Variants in IMPG2 observed in about 807,000 individuals in gnomAD.
IMPG2 encodes the protein interphotoreceptor matrix proteoglycan 2.
A neutral mutation model predicts 129.2 loss-of-function variants in IMPG2; 91 were observed. That is an observed-to-expected ratio of 0.70 (90% CI 0.59 to 0.84). IMPG2 has a LOEUF of 0.84. IMPG2 is among the 40% of genes least tolerant of loss of function. The pLI is 0.00. For synonymous variants in IMPG2, 510 were observed against 517.7 expected (o/e 0.99, Z 0.20); for missense variants, 1,430 against 1,461.7 (o/e 0.98, Z 0.35).
In IMPG2 at chr3:101,224,457, C is replaced by T. The variant is rs139392839; in HGVS notation, c.*2512G>A. ...TATTATATTGCTAGGTTAAGAAGAA[C>T]GTTCTAATACTCAGAAAATTTCATT... On this transcript the variant is annotated 3_prime_UTR_variant, in exon 19 of 19. Coordinates refer to ENST00000193391, the MANE Select transcript of IMPG2 (RefSeq NM_016247.4). The T allele has an allele frequency of 1.7e-3, 254 of 152,274 alleles. No homozygotes were observed. Among genetic ancestry groups the T allele is most frequent in the African/African-American group, 5.7e-3 (238 of 41,546 alleles). 9.4% of individuals were successfully genotyped at this position (152,274 alleles called of 1,614,324 possible). A position where few individuals can be genotyped will look rare whatever the true frequency, so the allele number is the denominator to read the frequency against.
intron 11 of IMPG2, among the ~76,000 whole-genome samples, chr3:101,251,432 T>C (rs1042176411): frequency 1.3e-5 from 2 of 152,206 alleles, no homozygotes; most frequent in Non-Finnish European, 2.9e-5. Flanking sequence ...AGCTTTCCTA[T>C]ACATTTTGAA....
At chr3:101,293,869 C>T (rs1707048404) in intron 3 of IMPG2, among the ~76,000 whole-genome samples, 1 of 152,206 alleles carries the variant, frequency 6.6e-6, no homozygotes, top group Admixed American at 6.5e-5. Context: ...AACTATTCTT[C>T]TGAAGCTTCC....
intron 10 of IMPG2, among the ~76,000 whole-genome samples, chr3:101,256,148 A>AGAAG (rs1706599970): frequency 1.8e-5 from 1 of 56,138 alleles, no homozygotes; most frequent in African/African-American, 6.8e-5. Flanking sequence ...AAGAAAGAAA[A>AGAAG]GAAAGAAAGA....
At chr3:101,259,314 A>G (rs1351583217) in intron 9 of IMPG2, among the ~76,000 whole-genome samples, 1 of 152,182 alleles carries the variant, frequency 6.6e-6, no homozygotes, top group Non-Finnish European at 1.5e-5. Context: ...GTAATTCACC[A>G]CTTTCAGACA....
At chr3:101,267,699 G>A (rs949841759) in intron 8 of IMPG2, among the ~76,000 whole-genome samples, 168 bp from the exon 9 acceptor site, 2 of 152,030 alleles carry the variant, frequency 1.3e-5, no homozygotes, top group South Asian at 4.1e-4. Context: ...GAGCAAAGGT[G>A]AAAAAAGCAT....
In IMPG2 at chr3:101,226,589, G is replaced by T. The variant is rs488679; in HGVS notation, c.*380C>A. 155,231 of 190,078 alleles carry T rather than the reference G, an allele frequency of 0.82. 63,644 individuals are homozygous for T. The highest frequency in any genetic ancestry group is 0.9 in the African/African-American group (38,332 of 42,754). 11.8% of individuals were successfully genotyped at this position (190,078 alleles called of 1,614,324 possible). On this transcript the variant is annotated 3_prime_UTR_variant, in exon 19 of 19. Transcript: ENST00000193391. ...CCTTACTAAGCCAGACTTCTCCATGGAAGAGTCTCACCTTATTTTCCTATT... is the reference window on the plus strand; with the variant it reads ...CCTTACTAAGCCAGACTTCTCCATGTAAGAGTCTCACCTTATTTTCCTATT...
chr3:101,303,479 A>C (rs1707158746), intron 3 of IMPG2, among the ~76,000 whole-genome samples: 1 of 152,222 alleles, frequency 6.6e-6, no homozygotes, highest in Non-Finnish European at 1.5e-5. Flanking sequence ...AGAGGAACTG[A>C]ATAGATGGAC....
chr3:101,226,905 C>T lies in IMPG2; in HGVS notation c.*64G>A. On this transcript the variant is annotated 3_prime_UTR_variant, in exon 19 of 19. Transcript: ENST00000193391. ...TTTAAAATCCAGGTTAATTATATGA[C>T]ATAAGTAACAAGTAATCTCCATCTT... is the stretch of plus-strand genomic sequence containing the variant. 2 of 1,516,620 alleles carry T rather than the reference C, an allele frequency of 1.3e-6. No homozygotes were observed. Among genetic ancestry groups the T allele is most frequent in the East Asian group, 2.3e-5 (1 of 44,290 alleles). 93.9% of individuals were successfully genotyped at this position (1,516,620 alleles called of 1,614,324 possible). A position where few individuals can be genotyped will look rare whatever the true frequency, so the allele number is the denominator to read the frequency against.
intron 2 of IMPG2, among the ~76,000 whole-genome samples, chr3:101,316,472 GATATATA>G (rs2058786296): frequency 6.6e-6 from 1 of 151,868 alleles, no homozygotes; most frequent in Non-Finnish European, 1.5e-5. Flanking sequence ...ACTAAAAAAA[GATATATA>G]AATGACAGAT....
chr3:101,237,750 C>T (rs1367689928), intron 14 of IMPG2, among the ~76,000 whole-genome samples: 1 of 151,904 alleles, frequency 6.6e-6, no homozygotes, highest in African/African-American at 2.4e-5. Flanking sequence ...TAAATAAATC[C>T]CTGAAGATGA....
At chr3:101,313,858 G>C (rs1322792112) in intron 2 of IMPG2, among the ~76,000 whole-genome samples, 1 of 152,056 alleles carries the variant, frequency 6.6e-6, no homozygotes, top group African/African-American at 2.4e-5. Context: ...ACCCAAAAAA[G>C]CTACTAGAAC....
At chr3:101,268,196 A>G (rs1706742299) in intron 8 of IMPG2, among the ~76,000 whole-genome samples, 1 of 152,230 alleles carries the variant, frequency 6.6e-6, no homozygotes, top group African/African-American at 2.4e-5. Flanking sequence ...TCTTTTTTAT[A>G]CAAACAAAAA....
At chr3:101,272,224 G>A (rs1376517231) in intron 7 of IMPG2, among the ~76,000 whole-genome samples, 3 of 152,098 alleles carry the variant, frequency 2.0e-5, no homozygotes, top group Non-Finnish European at 4.4e-5. Context: ...ACCCAGAGAA[G>A]CTGAGGGAAA....
chr3:101,266,338 T>C (rs961659716), intron 9 of IMPG2, among the ~76,000 whole-genome samples: 1 of 152,108 alleles, frequency 6.6e-6, no homozygotes, highest in African/African-American at 2.4e-5. Context: ...ATTAAGAAAA[T>C]GTGGTATACA....
chr3:101,299,567 T>C (rs1707118242), intron 3 of IMPG2, among the ~76,000 whole-genome samples: 1 of 151,930 alleles, frequency 6.6e-6, no homozygotes, highest in Non-Finnish European at 1.5e-5. Context: ...GACCCTTGGA[T>C]TGAGTTTTTG....
chr3:101,291,436 T>A lies in IMPG2; in HGVS notation c.533+43A>T, dbSNP rs188428395. The A allele has an allele frequency of 5.1e-6, 8 of 1,555,590 alleles. No homozygotes were observed. In the Admixed American group the frequency reaches 8.4e-5, roughly 16 times the overall value. ...GAGTCTTGAATTAGGCTATGACACA[T>A]CTGTGTTGCCAAACATGAATTTTGG... On this transcript the variant is annotated intron_variant, in intron 4 of 18. Coordinates refer to ENST00000193391, the MANE Select transcript of IMPG2 (RefSeq NM_016247.4).
At chr3:101,295,773 C>G (rs1707073412) in intron 3 of IMPG2, among the ~76,000 whole-genome samples, 1 of 152,108 alleles carries the variant, frequency 6.6e-6, no homozygotes, top group African/African-American at 2.4e-5. Context: ...TGAAGAGGTT[C>G]TTCACATACC....
chr3:101,238,414 T>C (rs1470628895), intron 14 of IMPG2, among the ~76,000 whole-genome samples: 1 of 151,964 alleles, frequency 6.6e-6, no homozygotes, highest in African/African-American at 2.4e-5. Context: ...AGACACATAA[T>C]TGTCAGATTC....
chr3:101,297,840 A>G (rs1176754900), intron 3 of IMPG2, among the ~76,000 whole-genome samples: 1 of 152,250 alleles, frequency 6.6e-6, no homozygotes, highest in Non-Finnish European at 1.5e-5. Flanking sequence ...ATTTTAGAAC[A>G]AGTGCCATGT....
Sources: gnomAD v4.1 joint callset for allele counts (sites outside exome capture counted in the v4.1 genomes callset) on GRCh38, gnomAD v4.1.1 for gene constraint, MANE v1.5 for transcripts, NCBI Gene and HGNC (gene_info 2026-07-23, HGNC 2026-07-21) for gene names.